Variants in MTCL1 observed in about 807,000 individuals in gnomAD.
The protein encoded by MTCL1 is microtubule crosslinking factor 1.
Under a neutral mutation model 141.4 loss-of-function variants are expected in MTCL1, and 79 were observed. The observed-to-expected ratio is 0.56, with a 90% confidence interval of 0.47 to 0.67. The LOEUF is 0.67. Ranked by LOEUF, MTCL1 falls within the 30% of genes least tolerant of loss-of-function variation. MTCL1 has a pLI of 0.00. For synonymous variants in MTCL1, 914 were observed against 875.8 expected, an observed-to-expected ratio of 1.04 and a Z score of -0.77; for missense variants, 2,177 against 2,113.9, an observed-to-expected ratio of 1.03 and a Z score of -0.59.
intron 7 of MTCL1, among the ~76,000 whole-genome samples, chr18:8,792,364 C>T (rs906941238): frequency 2.6e-5 from 4 of 152,188 alleles, no homozygotes; most frequent in African/African-American, 7.2e-5. Flanking sequence ...TGTCTTTAAA[C>T]GTAGTAAGTA....
chr18:8,813,986 A>G (rs1250484430), intron 12 of MTCL1, among the ~76,000 whole-genome samples: 1 of 152,232 alleles, frequency 6.6e-6, no homozygotes, highest in Non-Finnish European at 1.5e-5. Flanking sequence ...CATAGTATAT[A>G]TTTTGTTTAT....
exon 1 of MTCL1, chr18:8,706,280 A>G: frequency 1.6e-6 from 2 of 1,229,226 alleles, no homozygotes. Flanking sequence ...AGCCACACGG[A>G]CAGCAGCTCC....
chr18:8,746,268 G>T (rs2096337414), intron 4 of MTCL1, among the ~76,000 whole-genome samples: 1 of 152,192 alleles, frequency 6.6e-6, no homozygotes, highest in Non-Finnish European at 1.5e-5. Flanking sequence ...GGGATTGCTG[G>T]ATCAGATGAT....
intron 4 of MTCL1, among the ~76,000 whole-genome samples, chr18:8,765,160 C>G (rs1253778271): frequency 6.6e-6 from 1 of 152,226 alleles, no homozygotes; most frequent in African/African-American, 2.4e-5. Context: ...GGCTCCTTCT[C>G]TGAACACCAG....
intron 12 of MTCL1, among the ~76,000 whole-genome samples, chr18:8,814,983 A>G (rs2076604205): frequency 6.6e-6 from 1 of 152,212 alleles, no homozygotes; most frequent in Non-Finnish European, 1.5e-5. Flanking sequence ...CAGGTGCTGG[A>G]GAGGATGTGG....
At chr18:8,749,875 A>G (rs890798768) in intron 4 of MTCL1, among the ~76,000 whole-genome samples, 6 of 152,172 alleles carry the variant, frequency 3.9e-5, no homozygotes, top group Non-Finnish European at 7.3e-5. Flanking sequence ...ACCCAGCTAT[A>G]AACTTGTTTC....
At chr18:8,799,066 G>C (rs1198496537) in intron 10 of MTCL1, among the ~76,000 whole-genome samples, 1 of 152,206 alleles carries the variant, frequency 6.6e-6, no homozygotes, top group Non-Finnish European at 1.5e-5. Flanking sequence ...GCCCTAGGAA[G>C]CCTGCGTTCA....
upstream of MTCL1, among the ~76,000 whole-genome samples, chr18:8,715,738 C>T (rs2096124756): frequency 6.6e-6 from 1 of 152,136 alleles, no homozygotes; most frequent in Non-Finnish European, 1.5e-5. Context: ...GAGTGACAAC[C>T]ACAAGGCTCA....
chr18:8,718,425 A>G (rs759959321), exon 3 of MTCL1: 3 of 1,614,114 alleles, frequency 1.9e-6, no homozygotes, highest in Admixed American at 3.3e-5. Context: ...TTTGCATAGG[A>G]TGAGTTAGAT....
intron 10 of MTCL1, among the ~76,000 whole-genome samples, chr18:8,799,804 A>G (rs1326017342): frequency 1.3e-5 from 2 of 152,212 alleles, no homozygotes; most frequent in African/African-American, 2.4e-5. Context: ...AGTCATAGAA[A>G]ATGTTACTGT....
chr18:8,767,820 TAA>T (rs2149034836), intron 4 of MTCL1, among the ~76,000 whole-genome samples: 1 of 152,098 alleles, frequency 6.6e-6, no homozygotes, highest in African/African-American at 2.4e-5. Flanking sequence ...AACAAAAACA[TAA>T]AGTCATCCAT....
intron 13 of MTCL1, among the ~76,000 whole-genome samples, chr18:8,820,557 C>T (rs2076812482): frequency 1.3e-5 from 2 of 152,220 alleles, no homozygotes; most frequent in Non-Finnish European, 2.9e-5. Context: ...ATTTCACCCA[C>T]ATCAGTAAGG....
At chr18:8,767,011 G>C (rs984568277) in intron 4 of MTCL1, among the ~76,000 whole-genome samples, 1 of 152,256 alleles carries the variant, frequency 6.6e-6, no homozygotes, top group African/African-American at 2.4e-5. Context: ...TGTAGGAGCA[G>C]GTTGCATCCT....
chr18:8,790,841 C>T (rs907091913), intron 7 of MTCL1, among the ~76,000 whole-genome samples: 1 of 152,090 alleles, frequency 6.6e-6, no homozygotes, highest in African/African-American at 2.4e-5. Flanking sequence ...ATGGTGAAAC[C>T]CTATCTCTAC....
chr18:8,803,994 T>C (rs1190157359), intron 10 of MTCL1, among the ~76,000 whole-genome samples: 1 of 152,226 alleles, frequency 6.6e-6, no homozygotes, highest in African/African-American at 2.4e-5. Flanking sequence ...ATGTATCATA[T>C]GGTTTTCTGC....
At chr18:8,792,676 G>A (rs1598690678) in intron 7 of MTCL1, among the ~76,000 whole-genome samples, 1 of 152,322 alleles carries the variant, frequency 6.6e-6, no homozygotes, top group East Asian at 1.9e-4. Context: ...AAGCCACTGT[G>A]GGAGCAAGGA....
At chr18:8,797,105 G>A (rs746226933) in intron 9 of MTCL1, among the ~76,000 whole-genome samples, 3 of 152,166 alleles carry the variant, frequency 2.0e-5, no homozygotes, top group Non-Finnish European at 2.9e-5. Flanking sequence ...GCAAAGTTCC[G>A]CTCCCGTCTC....
In MTCL1 at chr18:8,825,622, C is replaced by T. The variant is rs776920739; in HGVS notation, c.4112C>T (p.Ala1371Val). Reference sequence around the variant, plus strand: ...CGGAGCCTTAGGAGCAGACAGGTGGCCCCTGCCATCGAGAAGGTGCAGGCC... The same window carrying T: ...CGGAGCCTTAGGAGCAGACAGGTGGTCCCTGCCATCGAGAAGGTGCAGGCC... Residue 1371 changes from alanine to valine, a missense_variant, in exon 15 of 17, where the codon GCC becomes GTC. Ala to Val is a moderately conservative substitution (Grantham distance 64). Coordinates refer to ENST00000359865, the Ensembl canonical transcript of MTCL1. The T allele has an allele frequency of 1.3e-5, 21 of 1,613,706 alleles. No homozygotes were observed. Among genetic ancestry groups the T allele is most frequent in the Admixed American group, 1.7e-5 (1 of 59,984 alleles).
In MTCL1 at chr18:8,826,415, A is replaced by T. The variant is rs570363324; in HGVS notation, c.4722+183A>T. Among the ~76,000 whole-genome samples, 10 of 152,344 alleles carry T rather than the reference A, an allele frequency of 6.6e-5. No individual in the cohort carries two copies. In the South Asian group the frequency reaches 2.1e-3, roughly 32 times the overall value. On this transcript the variant is annotated intron_variant, in intron 15 of 16. Transcript: ENST00000359865. ...GAATAGGCAGAAAAAGCCCTGAGCA[A>T]CTTTTTTGAAGAAAATGTTATTTTA...
Sources: allele counts gnomAD v4.1 joint callset (sites outside exome capture counted in the v4.1 genomes callset), GRCh38; gene constraint gnomAD v4.1.1; transcripts MANE v1.5; gene names NCBI Gene and HGNC (gene_info 2026-07-23, HGNC 2026-07-21).